Variants in RIMS2 observed in about 807,000 individuals in gnomAD.
The protein encoded by RIMS2 is regulating synaptic membrane exocytosis 2.
A neutral mutation model predicts 174.4 loss-of-function variants in RIMS2; 59 were observed. That is an observed-to-expected ratio of 0.34 (90% CI 0.27 to 0.42). The LOEUF is 0.42. Among genes scored for constraint, RIMS2 ranks in the 10% least tolerant of loss-of-function variants. The pLI is 1.00. For synonymous variants in RIMS2, 606 were observed against 572.5 expected (o/e 1.06, Z -0.84); for missense variants, 1,620 against 1,666.3 (o/e 0.97, Z 0.48).
At chr8:103,602,019 C>A (rs868297656) in intron 1 of RIMS2, among the ~76,000 whole-genome samples, 8 of 151,580 alleles carry the variant, frequency 5.3e-5, no homozygotes, top group Admixed American at 1.3e-4. Context: ...CTCTTATTGC[C>A]CAGGCTGGAG....
At chr8:103,733,432 C>T (rs902424989) in intron 2 of RIMS2, among the ~76,000 whole-genome samples, 1 of 152,110 alleles carries the variant, frequency 6.6e-6, no homozygotes, top group Admixed American at 6.6e-5. Context: ...TGGTGTCTCA[C>T]TTGGTTGCAT....
downstream of RIMS2, chr8:104,253,347 A>C (rs2099363298): frequency 6.6e-6 from 1 of 152,212 alleles, no homozygotes; most frequent in African/African-American, 2.4e-5. Context: ...CACTGCTAAA[A>C]ATTGGGAACC....
intron 4 of RIMS2, among the ~76,000 whole-genome samples, chr8:103,909,456 A>T (rs2075207227): frequency 6.6e-6 from 1 of 152,124 alleles, no homozygotes; most frequent in Non-Finnish European, 1.5e-5. Context: ...GTGATTTCTG[A>T]AAAATGTGGA....
At chr8:104,077,143 A>G (rs978655947) in intron 19 of RIMS2, among the ~76,000 whole-genome samples, 3 of 152,068 alleles carry the variant, frequency 2.0e-5, no homozygotes, top group Admixed American at 6.6e-5. Context: ...GATTGTCTAC[A>G]TATAAAGATT....
intron 19 of RIMS2, among the ~76,000 whole-genome samples, chr8:104,054,963 CCTCT>C (rs979866409): frequency 6.6e-6 from 1 of 152,030 alleles, no homozygotes. Flanking sequence ...TTATTTCACT[CCTCT>C]CTCTGTATAG....
At chr8:103,953,790 T>A (rs1303312210) in intron 14 of RIMS2, among the ~76,000 whole-genome samples, 1 of 152,066 alleles carries the variant, frequency 6.6e-6, no homozygotes, top group Non-Finnish European at 1.5e-5. Flanking sequence ...ATGCCCCAGT[T>A]AAAAGACACA....
At chr8:103,645,020 G>A (rs552997345) in intron 1 of RIMS2, among the ~76,000 whole-genome samples, 1 of 151,888 alleles carries the variant, frequency 6.6e-6, no homozygotes, top group African/African-American at 2.4e-5. Context: ...TTGGTGAAGG[G>A]TCATTTTAAT....
At chr8:103,800,223 A>T (rs909901286) in intron 3 of RIMS2, among the ~76,000 whole-genome samples, 21 of 149,490 alleles carry the variant, frequency 1.4e-4, no homozygotes, top group African/African-American at 1.7e-4. Context: ...CCACACTGTA[A>T]TTTTTTTTTT....
chr8:103,920,120 C>T (rs2077324617), intron 9 of RIMS2, among the ~76,000 whole-genome samples: 1 of 152,120 alleles, frequency 6.6e-6, no homozygotes, highest in African/African-American at 2.4e-5. Flanking sequence ...AAAATCGTTT[C>T]TGAGGAGACA....
chr8:103,667,827 T>C (rs572804196), intron 1 of RIMS2, among the ~76,000 whole-genome samples: 1 of 152,186 alleles, frequency 6.6e-6, no homozygotes, highest in Non-Finnish European at 1.5e-5. Flanking sequence ...AGGTCTCCAA[T>C]GGGTGTATAG....
chr8:104,106,309 T>C (rs2098063822), intron 19 of RIMS2, among the ~76,000 whole-genome samples: 1 of 152,144 alleles, frequency 6.6e-6, no homozygotes, highest in Non-Finnish European at 1.5e-5. Context: ...TAGTAACTTC[T>C]ATTTATTTGT....
At chr8:103,621,611 C>T (rs1338001836) in intron 1 of RIMS2, among the ~76,000 whole-genome samples, 1 of 152,186 alleles carries the variant, frequency 6.6e-6, no homozygotes, top group African/African-American at 2.4e-5. Flanking sequence ...AATGTTAGCA[C>T]AGGTCTTTGA....
rs28625300 is a variant in RIMS2 at position 104,234,080 on chromosome 8, A to G, written c.3335-10836A>G. 9.9e-3 allele frequency among the ~76,000 whole-genome samples: 1,504 copies of G among 152,252 alleles called. 21 individuals carry two copies. Among genetic ancestry groups the G allele is most frequent in the African/African-American group, 0.033 (1,354 of 41,536 alleles). Reference sequence around the variant, plus strand: ...TTATTCAGTTTCCAAAACTGTGCAGATTATAGGATCTGATTCTTTTTCAAC... The same window carrying G: ...TTATTCAGTTTCCAAAACTGTGCAGGTTATAGGATCTGATTCTTTTTCAAC... On this transcript the variant is annotated intron_variant, in intron 19 of 23. Transcript: ENST00000504942.
At chr8:103,825,847 A>G (rs2098787053) in intron 3 of RIMS2, among the ~76,000 whole-genome samples, 2 of 152,112 alleles carry the variant, frequency 1.3e-5, no homozygotes, top group Admixed American at 1.3e-4. Context: ...TACAGTTTTT[A>G]AGTATTTTCT....
chr8:104,107,544 G>A (rs1566445376), intron 19 of RIMS2, among the ~76,000 whole-genome samples: 1 of 152,170 alleles, frequency 6.6e-6, no homozygotes, highest in South Asian at 2.1e-4. Context: ...AACAGTGAAA[G>A]TTTACACATG....
At chr8:104,192,236 T>C (rs2099001531) in intron 19 of RIMS2, among the ~76,000 whole-genome samples, 2 of 152,246 alleles carry the variant, frequency 1.3e-5, no homozygotes, top group East Asian at 3.9e-4. Context: ...ATACAGTATT[T>C]AGTGCTGAGT....
At chr8:104,190,689 C>G (rs1482118106) in intron 19 of RIMS2, among the ~76,000 whole-genome samples, 1 of 152,070 alleles carries the variant, frequency 6.6e-6, no homozygotes, top group African/African-American at 2.4e-5. Flanking sequence ...GGGCTATCTC[C>G]TCTTTCCCTA....
intron 3 of RIMS2, among the ~76,000 whole-genome samples, chr8:103,845,226 A>G (rs1445052238): frequency 6.6e-6 from 1 of 151,476 alleles, no homozygotes; most frequent in Non-Finnish European, 1.5e-5. Context: ...CTTGTACATC[A>G]CTCTTTTTTA....
chr8:103,725,000 A>C (rs1020094579), intron 2 of RIMS2, among the ~76,000 whole-genome samples: 1 of 152,122 alleles, frequency 6.6e-6, no homozygotes, highest in African/African-American at 2.4e-5. Flanking sequence ...TGCCTGTAGA[A>C]AATATTTCAA....
Sources: allele counts gnomAD v4.1 joint callset (sites outside exome capture counted in the v4.1 genomes callset), GRCh38; gene constraint gnomAD v4.1.1; transcripts MANE v1.5; gene names NCBI Gene and HGNC (gene_info 2026-07-23, HGNC 2026-07-21).